The following ZNF33B variants were observed in gnomAD, a reference collection of about 807,000 sequenced individuals.
ZNF33B encodes zinc finger protein 33B.
In ZNF33B, 29 loss-of-function variants were observed where a neutral mutation model predicts 45.8. The observed-to-expected ratio is 0.63, with a 90% CI of 0.47 to 0.86. The LOEUF is 0.86. ZNF33B is among the 40% of genes least tolerant of loss of function. ZNF33B has a pLI of 0.00. For missense variants in ZNF33B, 831 were observed against 909.9 expected, an observed-to-expected ratio of 0.91 and a Z score of 1.12; for synonymous variants, 305 against 307.8, an observed-to-expected ratio of 0.99 and a Z score of 0.10.
intron 4 of ZNF33B, among the ~76,000 whole-genome samples, chr10:42,614,063 A>G (rs1390604495): frequency 6.6e-6 from 1 of 152,254 alleles, no homozygotes; most frequent in East Asian, 1.9e-4. Flanking sequence ...TATGGAAAAT[A>G]GGAAGAAGAT....
At chr10:42,577,744 T>C (rs1836768689) in intron 1 of ZNF33B, among the ~76,000 whole-genome samples, 3 of 152,320 alleles carry the variant, frequency 2.0e-5, no homozygotes, top group African/African-American at 4.8e-5. Flanking sequence ...TCCTGGCAAG[T>C]GGATTCAGGG....
chr10:42,634,372 A>G (rs1839195030), intron 2 of ZNF33B, among the ~76,000 whole-genome samples: 2 of 151,862 alleles, frequency 1.3e-5, no homozygotes, highest in South Asian at 2.1e-4. Flanking sequence ...GCACCACTGC[A>G]CTGCAGCCTG....
In ZNF33B at chr10:42,631,956, C is replaced by T. The variant is rs781594736; in HGVS notation, c.223G>A (p.Glu75Lys). ...EQGEEPWRLEEEFPSQSFPEV... is the reference protein window; with the variant it reads ...EQGEEPWRLEKEFPSQSFPEV... ...GGAAAGCTCTGGCTTGGGAATTCTT[C>T]CTCCAGTCTCCATGGTTCTTCTCCT... The change falls in exon 4 of 5, where the codon GAA becomes AAA. Residue 75 changes from glutamate to lysine, a missense_variant. Transcript: ENST00000359467. 3.7e-6 allele frequency: 6 copies of T among 1,614,132 alleles called. No individual in the cohort carries two copies. In the Admixed American group the frequency reaches 1.0e-4, roughly 27 times the overall value.
At chr10:42,608,880 GGAA>G (rs774707624) in intron 4 of ZNF33B, among the ~76,000 whole-genome samples, 1 of 112,102 alleles carries the variant, frequency 8.9e-6, no homozygotes, top group African/African-American at 4.2e-5. Context: ...GACTGACAAT[GGAA>G]AAAAAAAAAA....
chr10:42,594,829 T>A (rs1378700460), intron 4 of ZNF33B, 130 bp from the exon 5 acceptor site: 1 of 1,043,608 alleles, frequency 9.6e-7, no homozygotes, highest in Non-Finnish European at 1.3e-6. Flanking sequence ...ATGAACATAA[T>A]TGCAAGTGCA....
At chr10:42,597,000 G>C (rs772433650) in intron 4 of ZNF33B, among the ~76,000 whole-genome samples, 2 of 149,776 alleles carry the variant, frequency 1.3e-5, no homozygotes, top group Non-Finnish European at 3.0e-5. Flanking sequence ...TCTGATATTG[G>C]AAAGAAATCA....
chr10:42,575,329 A>G (rs924056165), intron 1 of ZNF33B, among the ~76,000 whole-genome samples: 1 of 152,140 alleles, frequency 6.6e-6, no homozygotes, highest in African/African-American at 2.4e-5. Context: ...GAAGGATGGC[A>G]AAGAGGAGCA....
At chr10:42,604,016 T>G (rs1376972824) in intron 4 of ZNF33B, among the ~76,000 whole-genome samples, 1 of 152,216 alleles carries the variant, frequency 6.6e-6, no homozygotes, top group African/African-American at 2.4e-5. Flanking sequence ...CAATGTCTAT[T>G]CTTCAACAAA....
intron 2 of ZNF33B, among the ~76,000 whole-genome samples, chr10:42,635,915 C>T (rs158386): frequency 0.18 from 27,492 of 150,908 alleles, 3,885 homozygotes; most frequent in African/African-American, 0.39. Context: ...CAGATCACGA[C>T]GTCAAGATAT....
intron 2 of ZNF33B, among the ~76,000 whole-genome samples, chr10:42,632,738 A>C (rs867013215): frequency 2.0e-5 from 3 of 152,218 alleles, no homozygotes; most frequent in African/African-American, 7.2e-5. Flanking sequence ...TGCAAGTACT[A>C]AGGTGAAAGT....
chr10:42,600,811 C>A (rs1396188957), intron 4 of ZNF33B, among the ~76,000 whole-genome samples: 1 of 152,092 alleles, frequency 6.6e-6, no homozygotes, highest in Non-Finnish European at 1.5e-5. Flanking sequence ...ATGTTATAAA[C>A]CCCACAATAC....
At chr10:42,602,223 T>C (rs1484453150) in intron 4 of ZNF33B, among the ~76,000 whole-genome samples, 2 of 152,076 alleles carry the variant, frequency 1.3e-5, no homozygotes, top group East Asian at 3.9e-4. Context: ...CACCAATGAC[T>C]GGCCATGTAT....
intron 4 of ZNF33B, among the ~76,000 whole-genome samples, chr10:42,630,268 G>A (rs1169145809): frequency 2.6e-5 from 4 of 152,052 alleles, no homozygotes; most frequent in African/African-American, 9.7e-5. Context: ...ATTTAATAGT[G>A]CTTTCCCCTC....
chr10:42,594,046 C>T lies in ZNF33B; in HGVS notation c.904G>A (p.Asp302Asn). ...AAATTATTCCCACTTTCACCACAATCATAGTGTTTCACAGGTACCCCATCA... is the reference window on the plus strand; with the variant it reads ...AAATTATTCCCACTTTCACCACAATTATAGTGTTTCACAGGTACCCCATCA... ...KHDGVPVKHY[D>N]CGESGNNFRR... Residue 302 changes from aspartate to asparagine, a missense_variant, in exon 5 of 5, where the codon GAT becomes AAT. By Grantham distance (23) the Asp-to-Asn change is conservative (BLOSUM62 1). Transcript: ENST00000359467. 6.2e-7 allele frequency: 1 copy of T among 1,614,066 alleles called. No homozygotes were observed.
chr10:42,616,171 T>A (rs1407684558), intron 4 of ZNF33B, among the ~76,000 whole-genome samples: 1 of 151,930 alleles, frequency 6.6e-6, no homozygotes, highest in Admixed American at 6.6e-5. Flanking sequence ...AGGCAGAGGT[T>A]GCAGTGAGCT....
Position 42,594,420 on chromosome 10 carries a change from A to G in ZNF33B, c.530T>C (p.Leu177Ser). 1 of 1,613,762 alleles carries G rather than the reference A, an allele frequency of 6.2e-7. No homozygotes were observed. Among genetic ancestry groups the G allele is most frequent in the Non-Finnish European group, 8.5e-7 (1 of 1,179,812 alleles). Reference protein sequence around the residue: ...SDEFNACGKLLLNIKHDETHT... With the variant: ...SDEFNACGKLSLNIKHDETHT... ...AGTTTCATCATGCTTAATATTGAGT[A>G]ACAATTTCCCACATGCATTAAATTC... Residue 177 changes from leucine (L) to serine (S), a missense_variant, in exon 5 of 5, where the codon TTA (leucine) becomes TCA (serine). Transcript: ENST00000359467.
rs916632787 is a variant in ZNF33B, at chr10:42,591,743, A to G, written c.*870T>C. Reference sequence around the variant, plus strand: ...ATCTATGCTTTACAAAAAGCTTCATAGTCAAGTGGATGCCAGGGACAGGGA... The same window carrying G: ...ATCTATGCTTTACAAAAAGCTTCATGGTCAAGTGGATGCCAGGGACAGGGA... On this transcript the variant is annotated 3_prime_UTR_variant, in exon 5 of 5. Coordinates refer to ENST00000359467, the MANE Select transcript of ZNF33B (RefSeq NM_006955.3). 1.9e-5 allele frequency: 4 copies of G among 208,376 alleles called. No homozygotes were observed. Among genetic ancestry groups the G allele is most frequent in the African/African-American group, 9.4e-5 (4 of 42,568 alleles). The allele number at this position is 208,376 out of a possible 1,614,324, so 12.9% of individuals were successfully genotyped here. A position where few individuals can be genotyped will look rare whatever the true frequency, so the allele number is the denominator to read the frequency against.
At chr10:42,635,217 A>G (rs886350793) in intron 2 of ZNF33B, among the ~76,000 whole-genome samples, 3 of 150,840 alleles carry the variant, frequency 2.0e-5, no homozygotes, top group African/African-American at 7.3e-5. Context: ...CTCTAGCCTG[A>G]GTGACAGAGT....
At chr10:42,621,714 A>G (rs1838600008) in intron 4 of ZNF33B, among the ~76,000 whole-genome samples, 1 of 152,226 alleles carries the variant, frequency 6.6e-6, no homozygotes, top group Admixed American at 6.5e-5. Flanking sequence ...TCAACATGAT[A>G]AAGGGCACAT....
Sources: allele counts gnomAD v4.1 joint callset (sites outside exome capture counted in the v4.1 genomes callset), GRCh38; gene constraint gnomAD v4.1.1; transcripts MANE v1.5; gene names NCBI Gene and HGNC (gene_info 2026-07-23, HGNC 2026-07-21).